RSPH10B2: variants seen among roughly 807,000 people sequenced by gnomAD.
RSPH10B2 encodes the protein radial spoke head 10 homolog B2, also known as radial spoke head 10 homolog B2 (Chlamydomonas).
RSPH10B2 carries 9 observed loss-of-function variants against 49.0 expected under a neutral mutation model. The observed-to-expected ratio is 0.18, with a 90% CI of 0.11 to 0.32. The LOEUF (loss-of-function observed/expected upper bound fraction) is 0.32, where lower values mean the gene tolerates loss of function less well. Among genes scored for constraint, RSPH10B2 ranks in the 10% least tolerant of loss-of-function variants. RSPH10B2 has a pLI of 1.00. For missense variants in RSPH10B2, 95 were observed against 589.9 expected, an observed-to-expected ratio of 0.16 and a Z score of 8.69; for synonymous variants, 35 against 210.2, an observed-to-expected ratio of 0.17 and a Z score of 7.21.
Position 6,781,342 on chromosome 7 carries a change from G to A in RSPH10B2, c.1624G>A (p.Glu542Lys), listed in dbSNP as rs1218519500. 1.0e-5 allele frequency: 13 copies of A among 1,251,382 alleles called. 2 individuals carry two copies. Among genetic ancestry groups the A allele is most frequent in the Non-Finnish European group, 1.4e-5 (13 of 955,196 alleles). The allele number at this position is 1,251,382 out of a possible 1,614,324, so 77.5% of individuals were successfully genotyped here. A position where few individuals can be genotyped will look rare whatever the true frequency, so the allele number is the denominator to read the frequency against. ...TGTATTTTTAGGCAATTTATTCCGT[G>A]AGCAACAGCGGACGCTCTACTCTAT... The change falls in exon 13 of 19, where the codon GAG (glutamate) becomes AAG (lysine). Residue 542 changes from glutamate to lysine, a missense_variant. Coordinates refer to ENST00000297186, the Ensembl canonical transcript of RSPH10B2.
intron 17 of RSPH10B2, among the ~76,000 whole-genome samples, chr7:6,792,928 G>A (rs1261211896): frequency 8.8e-6 from 1 of 114,136 alleles, no homozygotes; most frequent in African/African-American, 3.5e-5. Context: ...ACCCATCACT[G>A]CACCTTGTAT....
intron 4 of RSPH10B2, among the ~76,000 whole-genome samples, chr7:6,765,038 T>C (rs1276695519): frequency 3.3e-4 from 13 of 39,072 alleles, no homozygotes; most frequent in African/African-American, 1.4e-3. Flanking sequence ...TTCCGTTACA[T>C]GGAAGGCGCA....
At chr7:6,770,809 G>T (rs1322926612) in intron 7 of RSPH10B2, among the ~76,000 whole-genome samples, 1 of 152,066 alleles carries the variant, frequency 6.6e-6, no homozygotes, top group Non-Finnish European at 1.5e-5. Flanking sequence ...GGAGGCTGAG[G>T]CAGGAGAATG....
chr7:6,757,836 C>T (rs369794763), exon 1 of RSPH10B2: 150 of 1,591,628 alleles, frequency 9.4e-5, no homozygotes, highest in South Asian at 6.2e-4. Flanking sequence ...TGCAGCTCAA[C>T]GAAGTGAAAC....
intron 11 of RSPH10B2, among the ~76,000 whole-genome samples, chr7:6,780,056 C>G (rs546688242): frequency 3.6e-4 from 41 of 114,366 alleles, no homozygotes; most frequent in African/African-American, 1.3e-3. Flanking sequence ...CTCCTGACCT[C>G]AGGTGATCCA....
chr7:6,756,064 CG>C (rs1562397271), upstream of RSPH10B2, among the ~76,000 whole-genome samples: 2 of 145,106 alleles, frequency 1.4e-5, no homozygotes, highest in African/African-American at 5.3e-5. Flanking sequence ...GTCAGGAGAT[CG>C]AGACCATCCT....
At chr7:6,791,766 CAAATT>C (rs1240516479) in intron 16 of RSPH10B2, 133 bp from the exon 19 acceptor site, 9 of 119,150 alleles carry the variant, frequency 7.6e-5, no homozygotes, top group South Asian at 2.7e-4. Context: ...AAAAAAAAGT[CAAATT>C]AAAGTCAAAT....
chr7:6,783,113 C>G (rs1782004609), intron 13 of RSPH10B2, among the ~76,000 whole-genome samples: 1 of 110,374 alleles, frequency 9.1e-6, no homozygotes, highest in Non-Finnish European at 1.8e-5. Flanking sequence ...TCACTGCAAC[C>G]TCCGCCTCCC....
intron 16 of RSPH10B2, among the ~76,000 whole-genome samples, chr7:6,791,332 T>G (rs1249507561): frequency 7.0e-6 from 1 of 142,674 alleles, no homozygotes; most frequent in Non-Finnish European, 1.5e-5. Context: ...ATAAATACTG[T>G]ACCAACAGAC....
rs529667122 is a variant in RSPH10B2 at position 6,796,157 on chromosome 7, TA to T, written c.2234-406del. On this transcript the variant is annotated intron_variant, in intron 17 of 18. Coordinates refer to ENST00000297186, the Ensembl canonical transcript of RSPH10B2. ...CAACATGGTGAAACCTCATCTCTAC[TA>T]AAAATACAAAAATTAGCCGAGTGTG... Among the ~76,000 whole-genome samples the T allele has an allele frequency of 3.9e-3, 499 of 128,792 alleles. 18 individuals carry two copies. Among genetic ancestry groups the T allele is most frequent in the Middle Eastern group, 0.016 (4 of 246 alleles). The allele number at this position is 128,792 out of a possible 152,430, so 84.5% of individuals were successfully genotyped here. A position where few individuals can be genotyped will look rare whatever the true frequency, so the allele number is the denominator to read the frequency against.
At position 6,780,878 on chromosome 7, in the gene RSPH10B2, C is replaced by A; in HGVS notation, c.1599C>A (p.Cys533Ter). 6.7e-7 allele frequency: 1 copy of A among 1,497,092 alleles called. No homozygotes were observed. Among genetic ancestry groups the A allele is most frequent in the Non-Finnish European group, 8.9e-7 (1 of 1,128,270 alleles). 92.7% of individuals were successfully genotyped at this position (1,497,092 alleles called of 1,614,324 possible). The change falls in exon 12 of 19, where the codon TGC becomes TGA. Residue 533 changes from cysteine (C) to a stop codon, truncating the protein, a stop_gained. Coordinates refer to ENST00000297186, the Ensembl canonical transcript of RSPH10B2. LOFTEE classifies it high-confidence loss of function. ...CCGAGAACATTCGTCCAAATGCCTG[C>A]CAGATAAAAGGTAAATACAAAACCA...
In RSPH10B2 at chr7:6,781,152, C is replaced by T. The variant is rs548879512; in HGVS notation, c.1610-176C>T. On this transcript the variant is annotated intron_variant, in intron 12 of 18. Coordinates refer to ENST00000297186, the Ensembl canonical transcript of RSPH10B2. Reference sequence around the variant, plus strand: ...ACTCGGGAGGCTGAGGCAGGAGAATCGCTTGAGCCTGGGGGGCGGAGGTTG... The same window carrying T: ...ACTCGGGAGGCTGAGGCAGGAGAATTGCTTGAGCCTGGGGGGCGGAGGTTG... 6.0e-3 allele frequency among the ~76,000 whole-genome samples: 695 copies of T among 114,906 alleles called. 185 individuals are homozygous for T. The highest frequency in any genetic ancestry group is 9.9e-3 in the Admixed American group (99 of 10,016). 75.4% of individuals were successfully genotyped at this position (114,906 alleles called of 152,430 possible).
At chr7:6,797,933 G>A (rs1782672952) in intron 18 of RSPH10B2, among the ~76,000 whole-genome samples, 1 of 97,616 alleles carries the variant, frequency 1.0e-5, no homozygotes, top group Non-Finnish European at 1.9e-5. Flanking sequence ...GAGGTCAGGA[G>A]TTTGAGACCA....
intron 6 of RSPH10B2, among the ~76,000 whole-genome samples, chr7:6,767,756 A>ATTTT (rs1222472314): frequency 1.7e-4 from 3 of 17,718 alleles, no homozygotes; most frequent in Non-Finnish European, 2.7e-4. Flanking sequence ...TAAAAAAATA[A>ATTTT]TTTTTTTTTT....
chr7:6,797,863 A>AT (rs1313881738), intron 18 of RSPH10B2, among the ~76,000 whole-genome samples: 2,607 of 90,196 alleles, frequency 0.029, 77 homozygotes, highest in Non-Finnish European at 0.038. Flanking sequence ...AAAAAAAAAA[A>AT]AATACACACA....
At chr7:6,786,163 G>GCCTTTTCA in intron 14 of RSPH10B2, 107 bp downstream of exon 16, 1 of 385,446 alleles carries the variant, frequency 2.6e-6, no homozygotes, top group Non-Finnish European at 4.6e-6. Context: ...TTTTTCATTA[G>GCCTTTTCA]CCTTTTCACT....
chr7:6,783,929 C>T (rs1161023943), intron 13 of RSPH10B2, among the ~76,000 whole-genome samples: 117 of 135,946 alleles, frequency 8.6e-4, no homozygotes, highest in Middle Eastern at 3.7e-3. Flanking sequence ...CTCCGCCTCC[C>T]GGGTTCAAGT....
intron 8 of RSPH10B2, among the ~76,000 whole-genome samples, chr7:6,772,025 G>GAA (rs201152080): frequency 1.9e-4 from 25 of 134,394 alleles, no homozygotes; most frequent in East Asian, 8.4e-4. Context: ...AAATAAAATG[G>GAA]AAAAAAAAAA....
At chr7:6,785,400 A>G (rs1360237495) in intron 13 of RSPH10B2, among the ~76,000 whole-genome samples, 1 of 152,414 alleles carries the variant, frequency 6.6e-6, no homozygotes, top group African/African-American at 2.4e-5. Context: ...CTGATCCCCA[A>G]CGCCTGGGCT....
Sources: gnomAD v4.1 joint callset for allele counts (sites outside exome capture counted in the v4.1 genomes callset) on GRCh38, gnomAD v4.1.1 for gene constraint, MANE v1.5 for transcripts, NCBI Gene and HGNC (gene_info 2026-07-23, HGNC 2026-07-21) for gene names.